GALNT13: variants seen among roughly 807,000 people sequenced by gnomAD.
The protein encoded by GALNT13 is polypeptide N-acetylgalactosaminyltransferase 13.
GALNT13 carries 28 observed loss-of-function variants against 64.2 expected under a neutral mutation model. The observed-to-expected ratio is 0.44, with a 90% CI of 0.32 to 0.60. The LOEUF is 0.60. Ranked by LOEUF, GALNT13 falls within the 20% of genes least tolerant of loss-of-function variation. The pLI is 0.05. For synonymous variants in GALNT13, 214 were observed against 224.6 expected (o/e 0.95, Z 0.42); for missense variants, 577 against 669.8 (o/e 0.86, Z 1.53).
At chr2:154,147,369 T>A (rs1683672009) in intron 4 of GALNT13, among the ~76,000 whole-genome samples, 1 of 144,478 alleles carries the variant, frequency 6.9e-6, no homozygotes, top group Non-Finnish European at 1.5e-5. Context: ...ATATATATAT[T>A]TGAATGGAAT....
the GALNT13 span, among the ~76,000 whole-genome samples, chr2:153,325,476 C>A: frequency 1.3e-5 from 2 of 151,796 alleles, no homozygotes; most frequent in Admixed American, 6.6e-5. Flanking sequence ...TTTTGAAATG[C>A]TTTTTGTGTG....
the GALNT13 span, among the ~76,000 whole-genome samples, chr2:153,301,979 G>T: frequency 6.7e-6 from 1 of 150,348 alleles, no homozygotes; most frequent in Non-Finnish European, 1.5e-5. Context: ...CCATATCTTG[G>T]CTATTATGAA....
chr2:153,502,658 T>A, the GALNT13 span, among the ~76,000 whole-genome samples: 1 of 152,204 alleles, frequency 6.6e-6, no homozygotes, highest in Non-Finnish European at 1.5e-5. Flanking sequence ...CATTAAGGAA[T>A]CTCCACACTG....
chr2:154,065,619 G>A (rs772856041), intron 3 of GALNT13, among the ~76,000 whole-genome samples: 4 of 152,128 alleles, frequency 2.6e-5, no homozygotes, highest in South Asian at 4.1e-4. Context: ...TCACCAACGC[G>A]GTACCTCTGT....
At chr2:153,856,298 T>C in the GALNT13 span, among the ~76,000 whole-genome samples, 1 of 152,172 alleles carries the variant, frequency 6.6e-6, no homozygotes, top group Non-Finnish European at 1.5e-5. Flanking sequence ...GGTAAATAGA[T>C]AGATAGTTGT....
At chr2:154,063,007 A>G (rs920339127) in intron 3 of GALNT13, among the ~76,000 whole-genome samples, 3 of 152,024 alleles carry the variant, frequency 2.0e-5, no homozygotes, top group African/African-American at 4.8e-5. Context: ...ATTCAAGAGT[A>G]TTCTTTTTTG....
At chr2:153,243,890 G>GA in the GALNT13 span, among the ~76,000 whole-genome samples, 2 of 152,026 alleles carry the variant, frequency 1.3e-5, no homozygotes. Flanking sequence ...CTGTTTAATG[G>GA]AAAATTGTAT....
At chr2:153,903,418 G>A (rs1321241046) in intron 2 of GALNT13, among the ~76,000 whole-genome samples, 1 of 151,872 alleles carries the variant, frequency 6.6e-6, no homozygotes, top group African/African-American at 2.4e-5. Flanking sequence ...CCATTACTTT[G>A]CAAAAACTGC....
At chr2:153,257,952 A>G in the GALNT13 span, among the ~76,000 whole-genome samples, 1 of 152,172 alleles carries the variant, frequency 6.6e-6, no homozygotes, top group Non-Finnish European at 1.5e-5. Flanking sequence ...TCCCTGTACA[A>G]GGTTCCTGAC....
chr2:154,417,528 T>TTTTTTTTTTTTTG (rs1226916965), intron 11 of GALNT13, among the ~76,000 whole-genome samples: 1 of 151,260 alleles, frequency 6.6e-6, no homozygotes, highest in African/African-American at 2.4e-5. Flanking sequence ...TTTATTTTTT[T>TTTTTTTTTTTTTG]GAGGCGGAGT....
the GALNT13 span, among the ~76,000 whole-genome samples, chr2:153,600,708 A>G: frequency 6.6e-6 from 1 of 152,064 alleles, no homozygotes. Context: ...GCCTTAAGAC[A>G]TTAATAGATG....
At chr2:153,770,460 C>CGATATG in the GALNT13 span, among the ~76,000 whole-genome samples, 5 of 152,256 alleles carry the variant, frequency 3.3e-5, no homozygotes, top group Admixed American at 3.3e-4. Flanking sequence ...GAGGCTGAAG[C>CGATATG]GATATTGGTA....
At chr2:154,366,617 C>T (rs933740136) in intron 9 of GALNT13, among the ~76,000 whole-genome samples, 11 of 152,278 alleles carry the variant, frequency 7.2e-5, no homozygotes, top group Admixed American at 3.9e-4. Flanking sequence ...ATACATGTCA[C>T]GACTTCTGAG....
chr2:153,819,930 GACAGAT>G, the GALNT13 span, among the ~76,000 whole-genome samples: 2 of 152,120 alleles, frequency 1.3e-5, no homozygotes, highest in African/African-American at 4.8e-5. Context: ...ACTCAGAAAT[GACAGAT>G]ACAGAATTCA....
the GALNT13 span, chr2:153,421,142 G>T: frequency 4.0e-6 from 1 of 250,488 alleles, no homozygotes; most frequent in South Asian, 5.5e-5. Flanking sequence ...AGTGAGCACT[G>T]GTGACCTCTG....
chr2:153,889,973 CTGCT>C (rs1312434774), intron 1 of GALNT13, among the ~76,000 whole-genome samples: 2 of 151,750 alleles, frequency 1.3e-5, no homozygotes, highest in African/African-American at 4.8e-5. Context: ...GTCTGCACTT[CTGCT>C]TGCTTCCTGT....
At chr2:153,880,994 TA>T (rs1204877949) in intron 1 of GALNT13, among the ~76,000 whole-genome samples, 2 of 152,162 alleles carry the variant, frequency 1.3e-5, no homozygotes, top group Non-Finnish European at 1.5e-5. Flanking sequence ...AAAAGGAAAT[TA>T]AAAAAGGCTG....
chr2:154,015,831 C>T lies in GALNT13; in HGVS notation c.142+71192C>T, dbSNP rs560842332. ...CTCTCCTGCCTAAAAAGAAAATCTA[C>T]GTTCTTTCTTTAAATTTTAAAATTA... is the stretch of plus-strand genomic sequence containing the variant. On this transcript the variant is annotated intron_variant, in intron 3 of 12. Coordinates refer to ENST00000392825, the MANE Select transcript of GALNT13 (RefSeq NM_052917.4). Among the ~76,000 whole-genome samples the T allele has an allele frequency of 3.3e-5, 5 of 152,258 alleles. No individual in the cohort carries two copies. In the East Asian group the frequency reaches 5.8e-4, roughly 18 times the overall value.
At chr2:153,619,416 G>A in the GALNT13 span, among the ~76,000 whole-genome samples, 1 of 152,154 alleles carries the variant, frequency 6.6e-6, no homozygotes, top group Non-Finnish European at 1.5e-5. Flanking sequence ...TCATCAATTA[G>A]TCTTTCTACT....
Sources: allele counts gnomAD v4.1 joint callset (sites outside exome capture counted in the v4.1 genomes callset), GRCh38; gene constraint gnomAD v4.1.1; transcripts MANE v1.5; gene names NCBI Gene and HGNC (gene_info 2026-07-23, HGNC 2026-07-21).